L3MBTL4: variants seen among roughly 807,000 people sequenced by gnomAD.
L3MBTL4 encodes lethal(3)malignant brain tumor-like protein 4.
In L3MBTL4, 70 loss-of-function variants were observed where a neutral mutation model predicts 84.5. The observed-to-expected ratio is 0.83, with a 90% confidence interval of 0.68 to 1.01. The LOEUF is 1.01. Ranked by LOEUF, L3MBTL4 falls within the 50% of genes least tolerant of loss-of-function variation. The pLI is 0.00. For synonymous variants in L3MBTL4, 274 were observed against 259.8 expected (o/e 1.05, Z -0.52); for missense variants, 715 against 754.8 (o/e 0.95, Z 0.62).
intron 1 of L3MBTL4, among the ~76,000 whole-genome samples, chr18:6,324,242 C>T (rs145812849): frequency 6.6e-6 from 1 of 152,200 alleles, no homozygotes; most frequent in Non-Finnish European, 1.5e-5. Flanking sequence ...GGAGTCCTCA[C>T]AGAAAACCTC....
chr18:6,325,068 T>C (rs985507132), intron 1 of L3MBTL4, among the ~76,000 whole-genome samples: 13 of 152,084 alleles, frequency 8.5e-5, no homozygotes, highest in African/African-American at 3.1e-4. Flanking sequence ...GAAGATTAAA[T>C]GTTGCAACCC....
Position 6,057,185 on chromosome 18 carries a change from C to G in L3MBTL4, c.1444+23696G>C, listed in dbSNP as rs551419753. Among the ~76,000 whole-genome samples, 3 of 152,044 alleles carry G rather than the reference C, an allele frequency of 2.0e-5. No homozygotes were observed. The East Asian group carries it at 5.8e-4, about 29-fold the overall frequency. On this transcript the variant is annotated intron_variant, in intron 16 of 18. Transcript: ENST00000317931. ...ATCTGGGATTACAGGCATGCCACCA[C>G]GCCCAGCTAATTTTTGTATTTTTAG...
At chr18:6,149,559 T>C (rs1446635478) in intron 13 of L3MBTL4, among the ~76,000 whole-genome samples, 1 of 152,078 alleles carries the variant, frequency 6.6e-6, no homozygotes, top group Non-Finnish European at 1.5e-5. Flanking sequence ...TTTGGGTATA[T>C]ACCCAGTAAT....
At chr18:6,166,672 C>G (rs1598979980) in intron 13 of L3MBTL4, among the ~76,000 whole-genome samples, 1 of 151,950 alleles carries the variant, frequency 6.6e-6, no homozygotes, top group South Asian at 2.1e-4. Flanking sequence ...GGGACACATT[C>G]AAAGCAGTGT....
intron 16 of L3MBTL4, among the ~76,000 whole-genome samples, chr18:6,076,141 A>T (rs915686362): frequency 6.6e-6 from 1 of 152,218 alleles, no homozygotes; most frequent in Non-Finnish European, 1.5e-5. Context: ...ACTCATAGAT[A>T]TTTATCCTAC....
At chr18:6,311,927 T>G (rs987088487) in intron 2 of L3MBTL4, 71 bp downstream of exon 2, 1 of 283,746 alleles carries the variant, frequency 3.5e-6, no homozygotes, top group Non-Finnish European at 6.8e-6. Flanking sequence ...GATAAAATGT[T>G]TGCTTTTTTG....
intron 17 of L3MBTL4, among the ~76,000 whole-genome samples, chr18:5,964,004 T>C (rs1318619605): frequency 2.0e-5 from 3 of 152,192 alleles, no homozygotes; most frequent in African/African-American, 7.2e-5. Flanking sequence ...GCCCAGTGGG[T>C]GGCCTGGGCC....
intron 16 of L3MBTL4, among the ~76,000 whole-genome samples, chr18:6,006,009 A>AT (rs1281430107): frequency 2.0e-4 from 21 of 106,212 alleles, no homozygotes; most frequent in Non-Finnish European, 4.5e-4. Flanking sequence ...TTTTACCATA[A>AT]TTTAAAAAAA....
chr18:6,405,334 G>A (rs2055682105), intron 1 of L3MBTL4, among the ~76,000 whole-genome samples: 1 of 152,182 alleles, frequency 6.6e-6, no homozygotes, highest in South Asian at 2.1e-4. Flanking sequence ...GTCTCTGGAG[G>A]GAGCGCAATG....
At chr18:5,962,663 T>G (rs530744102) in intron 17 of L3MBTL4, among the ~76,000 whole-genome samples, 1 of 152,246 alleles carries the variant, frequency 6.6e-6, no homozygotes, top group South Asian at 2.1e-4. Flanking sequence ...TTTTTAGAGC[T>G]TCCCAGTTGG....
intron 1 of L3MBTL4, among the ~76,000 whole-genome samples, chr18:6,407,266 T>C (rs1002454496): frequency 3.9e-5 from 6 of 152,232 alleles, no homozygotes; most frequent in East Asian, 1.9e-4. Flanking sequence ...GGACGCTCCT[T>C]CGAGTTCTTG....
chr18:6,384,086 T>C (rs1042693415), intron 1 of L3MBTL4, among the ~76,000 whole-genome samples: 2 of 152,188 alleles, frequency 1.3e-5, no homozygotes, highest in African/African-American at 4.8e-5. Context: ...GATGTTCAAC[T>C]ACATCTGGGG....
At chr18:6,012,665 A>AT (rs1206279696) in intron 16 of L3MBTL4, among the ~76,000 whole-genome samples, 6 of 92,596 alleles carry the variant, frequency 6.5e-5, no homozygotes, top group Non-Finnish European at 1.4e-4. Flanking sequence ...TCTCTACAAA[A>AT]TTAAAAAAAA....
chr18:6,257,246 C>A (rs1017650021), intron 5 of L3MBTL4, among the ~76,000 whole-genome samples: 10 of 152,048 alleles, frequency 6.6e-5, no homozygotes, highest in African/African-American at 2.4e-4. Flanking sequence ...GCACAGCAAA[C>A]AATACGAACC....
intron 1 of L3MBTL4, among the ~76,000 whole-genome samples, chr18:6,413,664 A>T (rs922473756): frequency 2.0e-5 from 3 of 152,222 alleles, no homozygotes; most frequent in Non-Finnish European, 4.4e-5. Context: ...CAGCTCCAAC[A>T]GAAGGATCCA....
At chr18:6,048,335 T>C (rs1447156197) in intron 16 of L3MBTL4, among the ~76,000 whole-genome samples, 1 of 152,148 alleles carries the variant, frequency 6.6e-6, no homozygotes, top group Non-Finnish European at 1.5e-5. Context: ...TTCAATGCTA[T>C]CCCTATCAAA....
intron 15 of L3MBTL4, among the ~76,000 whole-genome samples, chr18:6,085,805 T>C (rs968158506): frequency 3.9e-5 from 6 of 152,178 alleles, no homozygotes; most frequent in Non-Finnish European, 5.9e-5. Flanking sequence ...GACTAATACA[T>C]ACATCTACAT....
At chr18:6,350,623 T>C (rs182102630) in intron 1 of L3MBTL4, among the ~76,000 whole-genome samples, 191 of 150,622 alleles carry the variant, frequency 1.3e-3, no homozygotes, top group African/African-American at 4.3e-3. Flanking sequence ...GCATTGCAAG[T>C]GGGAATGTAA....
intron 14 of L3MBTL4, among the ~76,000 whole-genome samples, chr18:6,094,521 G>A (rs1169291802): frequency 1.3e-5 from 2 of 151,998 alleles, no homozygotes; most frequent in African/African-American, 4.8e-5. Flanking sequence ...TGTTATCACC[G>A]GCTACACCTA....
Sources: allele counts gnomAD v4.1 joint callset (sites outside exome capture counted in the v4.1 genomes callset), GRCh38; gene constraint gnomAD v4.1.1; transcripts MANE v1.5; gene names NCBI Gene and HGNC (gene_info 2026-07-23, HGNC 2026-07-21).